Variants in SYNDIG1L observed in about 807,000 individuals in gnomAD.
SYNDIG1L encodes synapse differentiation-inducing gene protein 1-like.
SYNDIG1L carries 13 observed loss-of-function variants against 20.1 expected under a neutral mutation model. The ratio of observed to expected loss-of-function variants is 0.65; its 90% CI spans 0.42 to 1.03. The LOEUF (loss-of-function observed/expected upper bound fraction) is 1.03, where lower values mean the gene tolerates loss of function less well. SYNDIG1L is among the 50% of genes least tolerant of loss of function. SYNDIG1L has a pLI of 0.00. For missense variants in SYNDIG1L, 294 were observed against 305.1 expected, an observed-to-expected ratio of 0.96 and a Z score of 0.27; for synonymous variants, 128 against 129.3, an observed-to-expected ratio of 0.99 and a Z score of 0.07.
chr14:74,447,951 A>G, the SYNDIG1L span, among the ~76,000 whole-genome samples: 15 of 152,296 alleles, frequency 9.8e-5, no homozygotes, highest in Middle Eastern at 3.4e-3. Flanking sequence ...GTAAACTGTG[A>G]TAGTAAAAAA....
the SYNDIG1L span, among the ~76,000 whole-genome samples, chr14:74,442,955 G>A: frequency 6.6e-6 from 1 of 152,228 alleles, no homozygotes; most frequent in Admixed American, 6.5e-5. Context: ...ATGAGCCTGA[G>A]TGACTTTGGA....
At chr14:74,409,999 T>G (rs1175407101) in intron 1 of SYNDIG1L, among the ~76,000 whole-genome samples, 198 bp from the exon 2 acceptor site, 6 of 152,214 alleles carry the variant, frequency 3.9e-5, no homozygotes, top group Non-Finnish European at 5.9e-5. Flanking sequence ...CTGGCAGTAG[T>G]GCTTACCCCA....
chr14:74,407,850 C>G lies in SYNDIG1L; in HGVS notation c.557G>C (p.Gly186Ala), dbSNP rs920284895. 1.2e-6 allele frequency: 2 copies of G among 1,611,874 alleles called. No homozygotes were observed. Among genetic ancestry groups the G allele is most frequent in the East Asian group, 2.2e-5 (1 of 44,870 alleles). ...LGIAAFYFSQGTSKAISKGDF... is the reference protein window; with the variant it reads ...LGIAAFYFSQATSKAISKGDF... ...GACCTGGGCCCCAGGTGCTCTTACC[C>G]CCTGGGAGAAGTAGAAGGCAGCAAT... The change falls in exon 3 of 4, where the codon GGG becomes GCG. Residue 186 changes from glycine to alanine, a missense_variant and splice_region_variant. Physicochemically the swap from Gly to Ala is moderately conservative, Grantham distance 60. Coordinates refer to ENST00000331628, the MANE Select transcript of SYNDIG1L (RefSeq NM_001105579.2).
chr14:74,459,031 C>T, the SYNDIG1L span, among the ~76,000 whole-genome samples: 13 of 152,098 alleles, frequency 8.5e-5, no homozygotes, highest in South Asian at 2.1e-4. Context: ...TGGGATGAGA[C>T]GCTGAGTGGA....
intron 1 of SYNDIG1L, among the ~76,000 whole-genome samples, 168 bp from the exon 2 acceptor site, chr14:74,409,969 T>G (rs1237914036): frequency 1.3e-5 from 2 of 152,230 alleles, no homozygotes; most frequent in Admixed American, 6.5e-5. Flanking sequence ...GGCCTCCGTT[T>G]CTTTGTCTGT....
the SYNDIG1L span, among the ~76,000 whole-genome samples, chr14:74,475,084 T>C: frequency 6.6e-6 from 1 of 151,990 alleles, no homozygotes; most frequent in East Asian, 1.9e-4. Context: ...CAAACCAGAG[T>C]GTGGCATCAG....
the SYNDIG1L span, among the ~76,000 whole-genome samples, chr14:74,463,581 G>A: frequency 7.9e-5 from 12 of 152,126 alleles, no homozygotes; most frequent in Non-Finnish European, 1.0e-4. Context: ...GCTAAAAGAC[G>A]AGGGGAGAGG....
chr14:74,407,546 C>T lies in SYNDIG1L; in HGVS notation c.706G>A (p.Gly236Ser), dbSNP rs377739943. 32 of 1,613,756 alleles carry T rather than the reference C, an allele frequency of 2.0e-5. No homozygotes were observed. The highest frequency in any genetic ancestry group is 6.7e-5 in the African/African-American group (5 of 74,934). ...GGCCCTACTGGCTACTAGCCATGAC[C>T]GTTCTGGGACATGTAAGCTGCCAGA... ...VALAAYMSQN[G>S]HG The change falls in exon 4 of 4, where the codon GGT becomes AGT. Residue 236 changes from glycine (G) to serine (S), a missense_variant. By Grantham distance (56) the Gly-to-Ser change is moderately conservative. Transcript: ENST00000331628.
chr14:74,477,546 C>T, the SYNDIG1L span, among the ~76,000 whole-genome samples: 1 of 151,838 alleles, frequency 6.6e-6, no homozygotes. Context: ...TCACTCTGTT[C>T]CTTTTAAAAA....
chr14:74,444,750 G>C, the SYNDIG1L span, among the ~76,000 whole-genome samples: 7 of 151,840 alleles, frequency 4.6e-5, no homozygotes, highest in Non-Finnish European at 1.0e-4. Context: ...GTGAAACCCT[G>C]TCTCAAAAAA....
At position 74,426,020 on chromosome 14, in the gene SYNDIG1L, G is replaced by T. The variant is rs1347227677; in HGVS notation, c.-166C>A. 6.6e-6 allele frequency: 1 copy of T among 152,656 alleles called. No homozygotes were observed. Among genetic ancestry groups the T allele is most frequent in the Non-Finnish European group, 1.5e-5 (1 of 67,860 alleles). 9.5% of individuals were successfully genotyped at this position (152,656 alleles called of 1,614,324 possible). A position where few individuals can be genotyped will look rare whatever the true frequency, so the allele number is the denominator to read the frequency against. On this transcript the variant is annotated 5_prime_UTR_variant, in exon 1 of 4. Coordinates refer to ENST00000331628, the MANE Select transcript of SYNDIG1L (RefSeq NM_001105579.2). ...CGGTCGCGGTGGAACTCCCAGGAGG[G>T]CTCCCCTGCTCTCGTCCCCGCGTCC...
chr14:74,409,657 G>T lies in SYNDIG1L; in HGVS notation c.88C>A (p.Pro30Thr), dbSNP rs912601751. The T allele has an allele frequency of 6.7e-7, 1 of 1,498,150 alleles. No homozygotes were observed. The highest frequency in any genetic ancestry group is 8.9e-7 in the Non-Finnish European group (1 of 1,124,718). The allele number at this position is 1,498,150 out of a possible 1,614,324, so 92.8% of individuals were successfully genotyped here. The change falls in exon 2 of 4, where the codon CCC (proline) becomes ACC (threonine). Residue 30 changes from proline (P) to threonine (T), a missense_variant. Pro to Thr is a conservative substitution (Grantham distance 38, BLOSUM62 -1). Coordinates refer to ENST00000331628, the MANE Select transcript of SYNDIG1L (RefSeq NM_001105579.2). ...AGCTTTTCCTGGCAGGACCAGCTGG[G>T]TGGGGTCTCCGGGTAGGGATAGGGG... ...HGPYPYPETP[P>T]SWSCQEKLYS...
At chr14:74,460,265 C>T in the SYNDIG1L span, among the ~76,000 whole-genome samples, 1 of 152,136 alleles carries the variant, frequency 6.6e-6, no homozygotes, top group African/African-American at 2.4e-5. Flanking sequence ...CTTCTTGGTG[C>T]TGCCGTGGAT....
At chr14:74,449,929 A>C in the SYNDIG1L span, among the ~76,000 whole-genome samples, 1,719 of 152,250 alleles carry the variant, frequency 0.011, 37 homozygotes, top group African/African-American at 0.038. Context: ...AAGAAAATTA[A>C]TAAAACCAAA....
chr14:74,409,797 A>G lies in SYNDIG1L; in HGVS notation c.-53T>C. The G allele has an allele frequency of 7.1e-7, 1 of 1,403,890 alleles. No homozygotes were observed. The highest frequency in any genetic ancestry group is 9.3e-7 in the Non-Finnish European group (1 of 1,074,776). The allele number at this position is 1,403,890 out of a possible 1,614,324, so 87.0% of individuals were successfully genotyped here. ...GGCCTGGGCCAGCTGAGCAGTCCTC[A>G]GAGCCTGTCAGAAGAGCAAGACAGA... On this transcript the variant is annotated 5_prime_UTR_variant, in exon 2 of 4. The change abolishes the stop of an existing upstream ORF in the 5' untranslated region. Coordinates refer to ENST00000331628, the MANE Select transcript of SYNDIG1L (RefSeq NM_001105579.2).
In SYNDIG1L at chr14:74,409,422, G is replaced by C. The variant is rs762537471; in HGVS notation, c.323C>G (p.Pro108Arg). The change falls in exon 2 of 4, where the codon CCT becomes CGT. Residue 108 changes from proline to arginine, a missense_variant. Transcript: ENST00000331628. The stretch of plus-strand genomic sequence containing the variant: ...GGTGACATTCTCTGCAGCTTGGCCA[G>C]GTCCTGTGGGCTGCTCTGGAGGCCC... ...QEGPPEQPTG[P>R]GQAAENVTIQ... 14 of 1,613,628 alleles carry C rather than the reference G, an allele frequency of 8.7e-6. No individual in the cohort carries two copies. Among genetic ancestry groups the C allele is most frequent in the Non-Finnish European group, 1.2e-5 (14 of 1,179,902 alleles).
chr14:74,477,438 G>A, the SYNDIG1L span, among the ~76,000 whole-genome samples: 1 of 151,880 alleles, frequency 6.6e-6, no homozygotes, highest in Non-Finnish European at 1.5e-5. Context: ...TCTGGAGGGT[G>A]TTCTCAGAGA....
chr14:74,468,163 G>C, the SYNDIG1L span, among the ~76,000 whole-genome samples: 1 of 152,108 alleles, frequency 6.6e-6, no homozygotes, highest in African/African-American at 2.4e-5. Flanking sequence ...TTAGCCCCCT[G>C]TGCCTCCATT....
intron 1 of SYNDIG1L, among the ~76,000 whole-genome samples, chr14:74,421,592 C>G (rs983422496): frequency 4.6e-5 from 7 of 152,210 alleles, no homozygotes; most frequent in Non-Finnish European, 1.0e-4. Flanking sequence ...GACACACACA[C>G]AGAAGAGCAG....
Sources: gnomAD v4.1 joint callset for allele counts (sites outside exome capture counted in the v4.1 genomes callset) on GRCh38, gnomAD v4.1.1 for gene constraint, MANE v1.5 for transcripts, NCBI Gene and HGNC (gene_info 2026-07-23, HGNC 2026-07-21) for gene names.